SPTA1: variants seen among roughly 807,000 people sequenced by gnomAD.
SPTA1 encodes spectrin alpha chain, erythrocytic 1.
SPTA1 carries 177 observed loss-of-function variants against 324.7 expected under a neutral mutation model. The ratio of observed to expected loss-of-function variants is 0.55; its 90% confidence interval spans 0.48 to 0.62. The LOEUF (loss-of-function observed/expected upper bound fraction) is 0.62, where lower values mean the gene tolerates loss of function less well. SPTA1 is among the 20% of genes least tolerant of loss of function. The pLI is 0.00. For synonymous variants in SPTA1, 1,195 were observed against 1,041.3 expected (o/e 1.15, Z -2.84); for missense variants, 3,162 against 2,883.6 (o/e 1.10, Z -2.21).
chr1:158,630,887 C>T (rs186450245), intron 39 of SPTA1, among the ~76,000 whole-genome samples: 55 of 152,128 alleles, frequency 3.6e-4, no homozygotes, highest in Non-Finnish European at 6.0e-4. Context: ...TGTTCAATAT[C>T]ACTAATTATC....
chr1:158,646,217 C>A (rs1651988785), intron 27 of SPTA1, among the ~76,000 whole-genome samples: 1 of 152,130 alleles, frequency 6.6e-6, no homozygotes, highest in Non-Finnish European at 1.5e-5. Flanking sequence ...TAAGGTCTAT[C>A]TTCTTAAAAG....
In SPTA1 at chr1:158,671,434, T is replaced by C; in HGVS notation, c.1508A>G (p.Asp503Gly). 1 of 1,612,884 alleles carries C rather than the reference T, an allele frequency of 6.2e-7. No homozygotes were observed. The highest frequency in any genetic ancestry group is 8.5e-7 in the Non-Finnish European group (1 of 1,179,880). ...TGCACTGCCCAGTGAGTTTCCCAGA[T>C]CCTCGTTTTCCAGGAAGGCCTGTAG... ...SRQEAFLENE[D>G]LGNSLGSAEA... is the part of the protein sequence containing the mutation. Residue 503 changes from aspartate to glycine, a missense_variant, in exon 12 of 52, where the codon GAT becomes GGT. Coordinates refer to ENST00000643759, the MANE Select transcript of SPTA1 (RefSeq NM_003126.4).
At chr1:158,657,429 G>T in intron 19 of SPTA1, 48 bp downstream of exon 19, 1 of 1,536,314 alleles carries the variant, frequency 6.5e-7, no homozygotes, top group Non-Finnish European at 9.0e-7. Flanking sequence ...TTGATAATTT[G>T]GTTGCGTTTG....
At chr1:158,653,029 G>T (rs16840439) in intron 22 of SPTA1, among the ~76,000 whole-genome samples, 10,442 of 152,214 alleles carry the variant, frequency 0.069, 557 homozygotes, top group East Asian at 0.28. Flanking sequence ...AGAATGTGGG[G>T]CAGGGAATCA....
At chr1:158,672,353 A>G (rs2101917759) in intron 10 of SPTA1, among the ~76,000 whole-genome samples, 157 bp from the exon 11 acceptor site, 1 of 152,344 alleles carries the variant, frequency 6.6e-6, no homozygotes, top group Non-Finnish European at 1.5e-5. Context: ...ATTGTACTAT[A>G]GGAAGAATGG....
At chr1:158,645,762 A>C (rs921852423) in intron 27 of SPTA1, among the ~76,000 whole-genome samples, 168 bp from the exon 28 acceptor site, 3 of 152,306 alleles carry the variant, frequency 2.0e-5, no homozygotes, top group African/African-American at 7.2e-5. Flanking sequence ...ATATCACCTA[A>C]TGATAACAAT....
chr1:158,681,666 G>T lies in SPTA1; in HGVS notation c.392C>A (p.Ala131Asp). The T allele has an allele frequency of 1.9e-6, 3 of 1,613,546 alleles. No individual in the cohort carries two copies. Among genetic ancestry groups the T allele is most frequent in the Non-Finnish European group, 2.5e-6 (3 of 1,179,718 alleles). ...CAGGTGGCGTAGCTCCTCTATATGG[G>T]CCTTTAGGAAAGAGGGGCAAAACCA... Reference protein sequence around the residue: ...MGHSAHEETKAHIEELRHLWD... With the variant: ...MGHSAHEETKDHIEELRHLWD... The change falls in exon 4 of 52, where the codon GCC (alanine) becomes GAC (aspartate). Residue 131 changes from alanine (A) to aspartate (D), a missense_variant and splice_region_variant. By Grantham distance (126) the Ala-to-Asp change is moderately radical (BLOSUM62 -2). Transcript: ENST00000643759.
At chr1:158,666,966 T>C (rs1311590942) in intron 15 of SPTA1, among the ~76,000 whole-genome samples, 1 of 152,184 alleles carries the variant, frequency 6.6e-6, no homozygotes, top group Admixed American at 6.5e-5. Flanking sequence ...CACCAACTGT[T>C]CCCCACAATT....
chr1:158,614,364 A>G, intron 48 of SPTA1, 58 bp from the exon 49 acceptor site: 1 of 1,182,424 alleles, frequency 8.5e-7, no homozygotes, highest in Non-Finnish European at 1.2e-6. Context: ...GGTTAGCAGA[A>G]CACAAGCCAC....
In SPTA1 at chr1:158,677,833, C is replaced by A. The variant is rs771724803; in HGVS notation, c.814G>T (p.Asp272Tyr). Residue 272 changes from aspartate to tyrosine, a missense_variant and splice_region_variant, in exon 7 of 52, where the codon GAT (aspartate) becomes TAT (tyrosine). By Grantham distance (160) the Asp-to-Tyr change is radical. Transcript: ENST00000643759. ...ATCCACTGGATGGCTTCAGTCACAT[C>A]CCTGCAGTCATTAACAAGAGCTCCA... ...NAANLQRFKR[D>Y]VTEAIQWIKE... is the part of the protein sequence containing the mutation. 2 of 1,613,520 alleles carry A rather than the reference C, an allele frequency of 1.2e-6. No homozygotes were observed. Among genetic ancestry groups the A allele is most frequent in the East Asian group, 2.2e-5 (1 of 44,854 alleles).
intron 5 of SPTA1, among the ~76,000 whole-genome samples, chr1:158,679,305 G>A (rs1654627075): frequency 6.6e-6 from 1 of 151,992 alleles, no homozygotes; most frequent in East Asian, 1.9e-4. Flanking sequence ...AGCTGTGTTG[G>A]ATTTATTCTT....
Position 158,648,489 on chromosome 1 carries a change from C to T in SPTA1, c.3714+20G>A, listed in dbSNP as rs773015459. On this transcript the variant is annotated intron_variant, in intron 26 of 51. Coordinates refer to ENST00000643759, the MANE Select transcript of SPTA1 (RefSeq NM_003126.4). Reference sequence around the variant, plus strand: ...TATAGACTGGAAAGTGTTGGAAAAGCTTTGAAGGACTTGTCTCACCTTATC... The same window carrying T: ...TATAGACTGGAAAGTGTTGGAAAAGTTTTGAAGGACTTGTCTCACCTTATC... The T allele has an allele frequency of 8.7e-6, 14 of 1,613,704 alleles. No homozygotes were observed. In the Admixed American group the frequency reaches 2.0e-4, roughly 23 times the overall value.
At position 158,647,920 on chromosome 1, in the gene SPTA1, C is replaced by T. The variant is rs138953394; in HGVS notation, c.3715-200G>A. On this transcript the variant is annotated intron_variant, in intron 26 of 51. Coordinates refer to ENST00000643759, the MANE Select transcript of SPTA1 (RefSeq NM_003126.4). Reference sequence around the variant, plus strand: ...AGTTACAATTGGCATTACCATACTTCTTTTTAAAAATAAGAGAGTTGTGGG... The same window carrying T: ...AGTTACAATTGGCATTACCATACTTTTTTTTAAAAATAAGAGAGTTGTGGG... Among the ~76,000 whole-genome samples the T allele has an allele frequency of 8.4e-3, 1,274 of 152,252 alleles. 15 individuals carry two copies. Among genetic ancestry groups the T allele is most frequent in the African/African-American group, 0.029 (1,204 of 41,544 alleles).
chr1:158,639,969 C>A lies in SPTA1; in HGVS notation c.4776G>T (p.Leu1592=), dbSNP rs760715077. 7.4e-6 allele frequency: 12 copies of A among 1,613,870 alleles called. No individual in the cohort carries two copies. Among genetic ancestry groups the A allele is most frequent in the African/African-American group, 1.3e-5 (1 of 74,994 alleles). Residue 1592 remains leucine, a synonymous_variant, in exon 34 of 52, where the codon CTG becomes CTT. Coordinates refer to ENST00000643759, the MANE Select transcript of SPTA1 (RefSeq NM_003126.4). ...LEQLKEHWDH[L]LERTNDKGKK... ...TCCCTTTGTCATTTGTTCTCTCAAGCAGATGATCCCAATGTTCCTTCAGCT... is the reference window on the plus strand; with the variant it reads ...TCCCTTTGTCATTTGTTCTCTCAAGAAGATGATCCCAATGTTCCTTCAGCT...
intron 18 of SPTA1, among the ~76,000 whole-genome samples, chr1:158,658,043 TTA>T (rs1652948369): frequency 6.6e-6 from 1 of 151,942 alleles, no homozygotes; most frequent in African/African-American, 2.4e-5. Flanking sequence ...CATAAAGGAG[TTA>T]TTACTATGAG....
At chr1:158,611,617 A>G (rs1649267900) in intron 51 of SPTA1, 2 of 460,698 alleles carry the variant, frequency 4.3e-6, no homozygotes, top group East Asian at 8.3e-5. Context: ...CACTTTGATT[A>G]TTCTGTAAAT....
rs1008088423 is a variant in SPTA1, at chr1:158,623,761, T to C, written c.5911-569A>G. Among the ~76,000 whole-genome samples the C allele has an allele frequency of 2.0e-5, 3 of 152,218 alleles. No homozygotes were observed. In the South Asian group the frequency reaches 6.2e-4, roughly 31 times the overall value. On this transcript the variant is annotated intron_variant, in intron 42 of 51. Coordinates refer to ENST00000643759, the MANE Select transcript of SPTA1 (RefSeq NM_003126.4). ...AATTACCCAGTCTTGGGTATGTCTT[T>C]ATTAGCAGTGTGAGAACAGACTAAT... is the stretch of plus-strand genomic sequence containing the variant.
In SPTA1 at chr1:158,645,605, A is replaced by G; in HGVS notation, c.3897-11T>C. 1 of 1,613,906 alleles carries G rather than the reference A, an allele frequency of 6.2e-7. No individual in the cohort carries two copies. The highest frequency in any genetic ancestry group is 8.5e-7 in the Non-Finnish European group (1 of 1,179,812). ...CAGTTCTGCAGATCCCTAGATAAAC[A>G]GACACATTGGAATTGACAAGAAAAC... On this transcript the variant is annotated splice_polypyrimidine_tract_variant and intron_variant, in intron 27 of 51. Coordinates refer to ENST00000643759, the MANE Select transcript of SPTA1 (RefSeq NM_003126.4).
chr1:158,619,330 C>G lies in SPTA1; in HGVS notation c.6422G>C (p.Arg2141Pro). ...WKHLSDIIEE[R>P]EQELQKEEAR... ...CTCTTCCTTTTGCAGCTCCTGCTCC[C>G]GTTCCTAAAACCCCAAATCACAGAC... is the stretch of plus-strand genomic sequence containing the variant. Residue 2141 changes from arginine to proline, a missense_variant, in exon 45 of 52, where the codon CGG becomes CCG. By Grantham distance (103) the Arg-to-Pro change is moderately radical (BLOSUM62 -2). Coordinates refer to ENST00000643759, the MANE Select transcript of SPTA1 (RefSeq NM_003126.4). 6.2e-7 allele frequency: 1 copy of G among 1,614,056 alleles called. No individual in the cohort carries two copies. The highest frequency in any genetic ancestry group is 1.1e-5 in the South Asian group (1 of 91,082).
Sources: gnomAD v4.1 joint callset for allele counts (sites outside exome capture counted in the v4.1 genomes callset) on GRCh38, gnomAD v4.1.1 for gene constraint, MANE v1.5 for transcripts, NCBI Gene and HGNC (gene_info 2026-07-23, HGNC 2026-07-21) for gene names.